The following PPM1E variants were observed in gnomAD, a reference collection of about 807,000 sequenced individuals.
PPM1E encodes the protein protein phosphatase, Mg2+/Mn2+ dependent 1E, also known as protein phosphatase 1E.
A neutral mutation model predicts 65.9 loss-of-function variants in PPM1E; 20 were observed. That is an observed-to-expected ratio of 0.30 (90% CI 0.21 to 0.44). The LOEUF (loss-of-function observed/expected upper bound fraction) is 0.44. Among genes scored for constraint, PPM1E ranks in the 20% least tolerant of loss-of-function variants. The pLI is 1.00. For missense variants in PPM1E, 713 were observed against 953.1 expected, an observed-to-expected ratio of 0.75 and a Z score of 3.32; for synonymous variants, 352 against 374.9, an observed-to-expected ratio of 0.94 and a Z score of 0.70.
At chr17:58,769,364 G>T (rs1359568840) in intron 1 of PPM1E, among the ~76,000 whole-genome samples, 2 of 152,178 alleles carry the variant, frequency 1.3e-5, no homozygotes, top group African/African-American at 4.8e-5. Context: ...GGAGGTCAAG[G>T]TGGGTGGATG....
chr17:58,975,630 T>C (rs2143772824), intron 6 of PPM1E, among the ~76,000 whole-genome samples: 1 of 152,296 alleles, frequency 6.6e-6, no homozygotes, highest in South Asian at 2.1e-4. Flanking sequence ...AGGCATGGCA[T>C]GTTTTAGGAA....
chr17:58,855,263 G>GCTA (rs1555614615), intron 1 of PPM1E, among the ~76,000 whole-genome samples: 2 of 152,148 alleles, frequency 1.3e-5, no homozygotes, highest in Non-Finnish European at 2.9e-5. Flanking sequence ...GATCTAACCT[G>GCTA]CTAGGGTTTT....
Position 58,982,905 on chromosome 17 carries a change from G to C in PPM1E, c.*1874G>C. The C allele has an allele frequency of 3.2e-6, 5 of 1,573,416 alleles. No homozygotes were observed. The highest frequency in any genetic ancestry group is 4.3e-6 in the Non-Finnish European group (5 of 1,157,872). ...TGTTAACCCATCAGGTGCAGTGTCA[G>C]TTTCAAATCAAATTATCTAAGAAAA... On this transcript the variant is annotated 3_prime_UTR_variant, in exon 7 of 7. Coordinates refer to ENST00000308249, the MANE Select transcript of PPM1E (RefSeq NM_014906.5).
rs769108441 is a variant in PPM1E, at chr17:58,984,539, CTT to C, written c.*3510_*3511del. ...AGGGAATACTACAGTTTTGTCCACA[CTT>C]TAATTTGAGACCATTTTTCTTTGAA... is the stretch of plus-strand genomic sequence containing the variant. On this transcript the variant is annotated 3_prime_UTR_variant, in exon 7 of 7. Coordinates refer to ENST00000308249, the MANE Select transcript of PPM1E (RefSeq NM_014906.5). 9.8e-5 allele frequency: 15 copies of C among 152,522 alleles called. No homozygotes were observed. The highest frequency in any genetic ancestry group is 2.2e-4 in the Non-Finnish European group (15 of 68,034). 9.4% of individuals were successfully genotyped at this position (152,522 alleles called of 1,614,324 possible). A position where few individuals can be genotyped will look rare whatever the true frequency, so the allele number is the denominator to read the frequency against.
chr17:58,846,089 G>A, intron 1 of PPM1E, among the ~76,000 whole-genome samples: 1 of 152,034 alleles, frequency 6.6e-6, no homozygotes, highest in Non-Finnish European at 1.5e-5. Context: ...CCATGTTTTA[G>A]CTACTGTGAA....
At chr17:58,955,898 G>C in intron 2 of PPM1E, 131 bp downstream of exon 2, 1 of 1,081,746 alleles carries the variant, frequency 9.2e-7, no homozygotes. Context: ...TGGTAGCAGG[G>C]GAGAAAAAAT....
chr17:58,956,675 A>G (rs2029881223), intron 2 of PPM1E, among the ~76,000 whole-genome samples: 1 of 152,152 alleles, frequency 6.6e-6, no homozygotes, highest in Admixed American at 6.5e-5. Flanking sequence ...AGTCATGTTT[A>G]TTAATGTCTT....
rs1337742010 is a variant in PPM1E at position 58,969,533 on chromosome 17, T to C, written c.784-6T>C. ...TCCCATAACTGTTCTGTGTTTCTGT[T>C]GACAGGACCAGGAAGAACAAGCTTA... On this transcript the variant is annotated splice_polypyrimidine_tract_variant and splice_region_variant and intron_variant, in intron 3 of 6. Coordinates refer to ENST00000308249, the MANE Select transcript of PPM1E (RefSeq NM_014906.5). The C allele has an allele frequency of 1.2e-6, 2 of 1,613,950 alleles. No individual in the cohort carries two copies. Among genetic ancestry groups the C allele is most frequent in the Admixed American group, 3.3e-5 (2 of 60,004 alleles).
chr17:58,784,369 G>A (rs1170386817), intron 1 of PPM1E, among the ~76,000 whole-genome samples: 2 of 152,172 alleles, frequency 1.3e-5, no homozygotes, highest in Non-Finnish European at 1.5e-5. Context: ...TAGTAAGAAT[G>A]TTATAGAGTG....
intron 1 of PPM1E, among the ~76,000 whole-genome samples, chr17:58,840,250 G>T (rs900826018): frequency 6.6e-6 from 1 of 152,178 alleles, no homozygotes; most frequent in African/African-American, 2.4e-5. Context: ...CAGAGTTTTT[G>T]TTGGGGCTTG....
chr17:58,935,965 TCC>T (rs1490233067), intron 1 of PPM1E, among the ~76,000 whole-genome samples: 1 of 151,224 alleles, frequency 6.6e-6, no homozygotes, highest in Non-Finnish European at 1.5e-5. Flanking sequence ...ATGCTATCTC[TCC>T]CCCCTCCCGC....
intron 1 of PPM1E, among the ~76,000 whole-genome samples, chr17:58,890,447 A>G (rs1045527540): frequency 1.3e-5 from 2 of 152,180 alleles, no homozygotes; most frequent in Non-Finnish European, 1.5e-5. Flanking sequence ...AAGGCAAAAC[A>G]AACATTACTT....
rs186901265 is a variant in PPM1E, at chr17:58,855,094, C to T, written c.464+98633C>T. Among the ~76,000 whole-genome samples, 4 of 152,188 alleles carry T rather than the reference C, an allele frequency of 2.6e-5. No homozygotes were observed. In the East Asian group the frequency reaches 5.8e-4, roughly 22 times the overall value. On this transcript the variant is annotated intron_variant, in intron 1 of 6. Coordinates refer to ENST00000308249, the MANE Select transcript of PPM1E (RefSeq NM_014906.5). Reference sequence around the variant, plus strand: ...TGCCCCGACACTTTTGTGAGTTTTACCTCCAAGAGCTCTATCAAATTCTCA... The same window carrying T: ...TGCCCCGACACTTTTGTGAGTTTTATCTCCAAGAGCTCTATCAAATTCTCA...
chr17:58,980,017 T>C lies in PPM1E; in HGVS notation c.1254T>C (p.Ser418=). 1 of 1,614,160 alleles carries C rather than the reference T, an allele frequency of 6.2e-7. No individual in the cohort carries two copies. The highest frequency in any genetic ancestry group is 8.5e-7 in the Non-Finnish European group (1 of 1,180,000). ...HKPYICGDAD[S]ASTVLDGTED... is the part of the protein sequence containing the mutation. ...CATATATCTGTGGGGATGCAGATTC[T>C]GCCTCCACTGTTCTGGATGGGACCG... is the stretch of plus-strand genomic sequence containing the variant. The change falls in exon 7 of 7, where the codon TCT becomes TCC. Residue 418 remains serine (S), a synonymous_variant. Transcript: ENST00000308249. This position sits in a 1 kb window ranked among gnomAD's most constrained non-coding sequence, Gnocchi z 4.7.
At chr17:58,950,660 C>G (rs1338243574) in intron 1 of PPM1E, among the ~76,000 whole-genome samples, 1 of 151,418 alleles carries the variant, frequency 6.6e-6, no homozygotes, top group Non-Finnish European at 1.5e-5. Context: ...TTTCAAAAGA[C>G]CTGTCTTCAA....
At chr17:58,844,459 A>G (rs1406365507) in intron 1 of PPM1E, among the ~76,000 whole-genome samples, 1 of 152,214 alleles carries the variant, frequency 6.6e-6, no homozygotes, top group Non-Finnish European at 1.5e-5. Flanking sequence ...AAAACTATCT[A>G]GAATAATATA....
intron 1 of PPM1E, among the ~76,000 whole-genome samples, chr17:58,939,164 C>T (rs7207693): frequency 0.64 from 96,848 of 151,988 alleles, 31,231 homozygotes; most frequent in African/African-American, 0.71. Context: ...TGTCCCCAGA[C>T]ACTAAAACAA....
intron 1 of PPM1E, among the ~76,000 whole-genome samples, chr17:58,762,755 G>A (rs1236139699): frequency 2.6e-5 from 4 of 151,918 alleles, no homozygotes; most frequent in Admixed American, 6.6e-5. Context: ...AAAATTAGCC[G>A]GGCATAGTGG....
chr17:58,770,925 C>T (rs908775632), intron 1 of PPM1E, among the ~76,000 whole-genome samples: 8 of 151,138 alleles, frequency 5.3e-5, no homozygotes, highest in Non-Finnish European at 8.8e-5. Flanking sequence ...GGCACAATCT[C>T]GGCACGCTGC....
Sources: allele counts gnomAD v4.1 joint callset (sites outside exome capture counted in the v4.1 genomes callset), GRCh38; gene constraint gnomAD v4.1.1; non-coding constraint Gnocchi (gnomAD v3.1); transcripts MANE v1.5; gene names NCBI Gene and HGNC (gene_info 2026-07-23, HGNC 2026-07-21).